FSD1L: variants seen among roughly 807,000 people sequenced by gnomAD.
FSD1L encodes the protein fibronectin type III and SPRY domain containing 1 like, also known as FSD1-like protein.
Under a neutral mutation model 71.6 loss-of-function variants are expected in FSD1L, and 45 were observed. The observed-to-expected ratio is 0.63, with a 90% CI of 0.49 to 0.81. The LOEUF (loss-of-function observed/expected upper bound fraction) is 0.81, where lower values mean the gene tolerates loss of function less well. Ranked by LOEUF, FSD1L falls within the 30% of genes least tolerant of loss-of-function variation. The pLI, the probability that FSD1L is intolerant of heterozygous loss-of-function variation, is 0.00. For synonymous variants in FSD1L, 197 were observed against 207.2 expected, an observed-to-expected ratio of 0.95 and a Z score of 0.42; for missense variants, 561 against 618.1, an observed-to-expected ratio of 0.91 and a Z score of 0.98.
intron 10 of FSD1L, chr9:105,524,290 A>G: frequency 6.2e-7 from 1 of 1,612,902 alleles, no homozygotes; most frequent in South Asian, 1.1e-5. Context: ...CTGGTTCATT[A>G]TGTACCTAGA....
chr9:105,502,521 C>T (rs79977400), intron 7 of FSD1L, among the ~76,000 whole-genome samples: 3,791 of 152,144 alleles, frequency 0.025, 176 homozygotes, highest in African/African-American at 0.087. Flanking sequence ...TAACATTTTT[C>T]CCCCATAATG....
At chr9:105,534,877 T>G (rs542609641) in intron 11 of FSD1L, among the ~76,000 whole-genome samples, 190 bp from the exon 12 acceptor site, 3 of 152,324 alleles carry the variant, frequency 2.0e-5, no homozygotes, top group Non-Finnish European at 4.4e-5. Flanking sequence ...TATTCAAGAA[T>G]AGTACTAAAC....
chr9:105,522,134 C>G (rs560596837), intron 10 of FSD1L: 44 of 1,613,838 alleles, frequency 2.7e-5, no homozygotes, highest in African/African-American at 4.0e-5. Flanking sequence ...TTATAGTTGC[C>G]TGGATCAAAG....
At position 105,472,202 on chromosome 9, in the gene FSD1L, A is replaced by G. The variant is rs530762047; in HGVS notation, c.441+197A>G. 95 of 562,024 alleles carry G rather than the reference A, an allele frequency of 1.7e-4. No homozygotes were observed. In the East Asian group the frequency reaches 3.3e-3, roughly 20 times the overall value. The allele number at this position is 562,024 out of a possible 1,614,324, so 34.8% of individuals were successfully genotyped here. On this transcript the variant is annotated intron_variant, in intron 5 of 13. Coordinates refer to ENST00000481272, the MANE Select transcript of FSD1L (RefSeq NM_001145313.3). The stretch of plus-strand genomic sequence containing the variant: ...GAAGTGTGTGTCTTTAGGGTCATCA[A>G]CAAATATGTTTAAAAAGTGTTTCTG...
At position 105,468,289 on chromosome 9, in the gene FSD1L, A is replaced by G; in HGVS notation, c.304A>G (p.Lys102Glu). The G allele has an allele frequency of 6.7e-7, 1 of 1,492,046 alleles. No homozygotes were observed. The highest frequency in any genetic ancestry group is 8.9e-7 in the Non-Finnish European group (1 of 1,126,628). 92.4% of individuals were successfully genotyped at this position (1,492,046 alleles called of 1,614,324 possible). Residue 102 changes from lysine to glutamate, a missense_variant, in exon 4 of 14, where the codon AAG becomes GAG. Physicochemically the swap from Lys to Glu is moderately conservative, Grantham distance 56. Around this residue, in one of 3 missense-constraint regions of FSD1L, gnomAD observed 410 missense variants for 413.5 expected, o/e 0.99. Coordinates refer to ENST00000481272, the MANE Select transcript of FSD1L (RefSeq NM_001145313.3). Reference protein sequence around the residue: ...EVKESMINCIKQEQARKSQEL... With the variant: ...EVKESMINCIEQEQARKSQEL... ...AAAAGAAAGTATGATTAACTGTATC[A>G]AGCAGGAACAAGCTCGTAAATCCCA...
At chr9:105,487,845 A>C (rs1205236287) in intron 7 of FSD1L, among the ~76,000 whole-genome samples, 5 of 152,194 alleles carry the variant, frequency 3.3e-5, no homozygotes, top group African/African-American at 1.2e-4. Flanking sequence ...ATATTTTCTT[A>C]CATTTGTAGC....
intron 4 of FSD1L, among the ~76,000 whole-genome samples, chr9:105,468,752 C>T (rs1831240874): frequency 6.6e-6 from 1 of 152,182 alleles, no homozygotes; most frequent in Admixed American, 6.5e-5. Context: ...GTCTTGGCCT[C>T]CCAAAGTGCT....
chr9:105,487,064 C>T (rs1451975068), intron 7 of FSD1L, among the ~76,000 whole-genome samples: 6 of 152,046 alleles, frequency 3.9e-5, no homozygotes, highest in African/African-American at 1.4e-4. Context: ...AAAAAGGAAG[C>T]ATACATATAC....
intron 10 of FSD1L, among the ~76,000 whole-genome samples, chr9:105,519,327 CA>C (rs1287645980): frequency 1.3e-5 from 2 of 152,076 alleles, no homozygotes; most frequent in African/African-American, 2.4e-5. Context: ...ATCCTGATAC[CA>C]AAACCTGGCA....
At chr9:105,464,905 A>G (rs1393766023) in intron 3 of FSD1L, among the ~76,000 whole-genome samples, 1 of 152,128 alleles carries the variant, frequency 6.6e-6, no homozygotes, top group Non-Finnish European at 1.5e-5. Context: ...GTCTGAGCCC[A>G]GGACGTCGAG....
intron 10 of FSD1L, 22 bp from the exon 11 acceptor site, chr9:105,534,471 T>TTTTTTC (rs1436260150): frequency 3.7e-6 from 5 of 1,348,158 alleles, no homozygotes; most frequent in Non-Finnish European, 3.1e-6. Flanking sequence ...TTTGTTTTTC[T>TTTTTTC]TTTTTCTTTT....
intron 7 of FSD1L, chr9:105,500,913 A>G (rs557489403): frequency 6.6e-6 from 1 of 152,374 alleles, no homozygotes; most frequent in South Asian, 2.1e-4. Flanking sequence ...GGCTTTTCTA[A>G]TAGCCACAAC....
upstream of FSD1L, among the ~76,000 whole-genome samples, chr9:105,444,527 G>C (rs972519357): frequency 1.3e-5 from 2 of 152,156 alleles, no homozygotes; most frequent in African/African-American, 4.8e-5. Context: ...GAATATACGA[G>C]GTAGCCCAGG....
intron 1 of FSD1L, among the ~76,000 whole-genome samples, chr9:105,451,915 A>G (rs1830028102): frequency 6.6e-6 from 1 of 152,156 alleles, no homozygotes; most frequent in Non-Finnish European, 1.5e-5. Context: ...TTACTGTAGG[A>G]ATAAGAAAGG....
intron 7 of FSD1L, among the ~76,000 whole-genome samples, chr9:105,492,343 G>C (rs1256374817): frequency 6.6e-6 from 1 of 151,968 alleles, no homozygotes; most frequent in Admixed American, 6.6e-5. Context: ...TCAGTGGTGA[G>C]ATCCCCTTTA....
At chr9:105,540,141 A>C (rs1253874519) in intron 13 of FSD1L, among the ~76,000 whole-genome samples, 3 of 152,126 alleles carry the variant, frequency 2.0e-5, no homozygotes, top group Non-Finnish European at 2.9e-5. Flanking sequence ...CCTTGTCAAC[A>C]CTTAGTATTA....
intron 2 of FSD1L, among the ~76,000 whole-genome samples, 197 bp downstream of exon 2, chr9:105,461,812 G>A (rs1192931104): frequency 3.3e-5 from 5 of 152,078 alleles, no homozygotes; most frequent in African/African-American, 1.2e-4. Context: ...CCAGAAGTTC[G>A]AGACCAGCCT....
In FSD1L at chr9:105,468,155, C is replaced by T. The variant is rs113385491; in HGVS notation, c.208-38C>T. 1.5e-4 allele frequency: 196 copies of T among 1,321,894 alleles called. 1 individual carries two copies. The highest frequency in any genetic ancestry group is 4.9e-4 in the Admixed American group (12 of 24,624). 81.9% of individuals were successfully genotyped at this position (1,321,894 alleles called of 1,614,324 possible). On this transcript the variant is annotated intron_variant, in intron 3 of 13. Coordinates refer to ENST00000481272, the MANE Select transcript of FSD1L (RefSeq NM_001145313.3). ...CTTTTAGGTTTTAAATGTTTGATAG[C>T]GCTTCAGTAAAATTGTTTTGTTTTG...
chr9:105,493,776 A>G (rs1172017476), intron 7 of FSD1L, among the ~76,000 whole-genome samples: 8 of 152,080 alleles, frequency 5.3e-5, no homozygotes, highest in African/African-American at 1.9e-4. Context: ...GTTTGGCTGG[A>G]TATGAAATTC....
Sources: allele counts gnomAD v4.1 joint callset (sites outside exome capture counted in the v4.1 genomes callset), GRCh38; gene constraint gnomAD v4.1.1; regional missense constraint gnomAD v4.1.1; transcripts MANE v1.5; gene names NCBI Gene and HGNC (gene_info 2026-07-23, HGNC 2026-07-21).